The following KIRREL3 variants were observed in gnomAD, a reference collection of about 807,000 sequenced individuals.
KIRREL3 encodes kin of IRRE-like protein 3.
KIRREL3 carries 36 observed loss-of-function variants against 89.7 expected under a neutral mutation model. That is an observed-to-expected ratio of 0.40 (90% CI 0.31 to 0.53). The LOEUF is 0.53. KIRREL3 is among the 20% of genes least tolerant of loss of function. The pLI is 0.49. For synonymous variants in KIRREL3, 445 were observed against 441.4 expected, an observed-to-expected ratio of 1.01 and a Z score of -0.10; for missense variants, 864 against 1,056.6, an observed-to-expected ratio of 0.82 and a Z score of 2.53.
intron 2 of KIRREL3, among the ~76,000 whole-genome samples, chr11:126,533,049 C>A (rs1958991361): frequency 6.6e-6 from 1 of 152,168 alleles, no homozygotes; most frequent in African/African-American, 2.4e-5. Flanking sequence ...TGAAGCAATC[C>A]TCGTGCCTCA....
At chr11:126,502,960 C>T (rs1184126017) in intron 4 of KIRREL3, among the ~76,000 whole-genome samples, 5 of 152,090 alleles carry the variant, frequency 3.3e-5, no homozygotes, top group African/African-American at 1.2e-4. Context: ...AGATAATCGG[C>T]CAAGCTGATT....
upstream of KIRREL3, among the ~76,000 whole-genome samples, chr11:127,001,785 G>A (rs1358861751): frequency 1.3e-5 from 2 of 151,736 alleles, no homozygotes; most frequent in Non-Finnish European, 2.9e-5. Context: ...CACAGACCAT[G>A]CCTTCAGAAG....
rs553974612 is a variant in KIRREL3 at position 126,811,355 on chromosome 11, T to C, written c.55+189100A>G. Among the ~76,000 whole-genome samples the C allele has an allele frequency of 4.4e-4, 67 of 152,336 alleles. No homozygotes were observed. In the East Asian group the frequency reaches 0.01, roughly 24 times the overall value. ...GAGGTCCTTGTCTGAATTCTCCGTGTGGTTGCTGGCCTGTAAGCTCCAAGA... is the reference window on the plus strand; with the variant it reads ...GAGGTCCTTGTCTGAATTCTCCGTGCGGTTGCTGGCCTGTAAGCTCCAAGA... On this transcript the variant is annotated intron_variant, in intron 1 of 16. Coordinates refer to ENST00000525144, the MANE Select transcript of KIRREL3 (RefSeq NM_032531.4). The surrounding 1 kb of genome is among the most constrained non-coding windows in gnomAD (Gnocchi z 4.3).
chr11:126,707,522 A>G (rs1362365200), intron 1 of KIRREL3, among the ~76,000 whole-genome samples: 1 of 152,082 alleles, frequency 6.6e-6, no homozygotes, highest in African/African-American at 2.4e-5. Flanking sequence ...GCCTATGTCT[A>G]TACTCTATGT....
chr11:126,668,693 TTTTCTTTCTTTCTTTCTTTC>T lies in KIRREL3; in HGVS notation c.56-105801_56-105782del, dbSNP rs57753203. 0.024 allele frequency among the ~76,000 whole-genome samples: 3,090 copies of T among 126,704 alleles called. 70 individuals carry two copies. Among genetic ancestry groups the T allele is most frequent in the South Asian group, 0.099 (371 of 3,754 alleles). 83.1% of individuals were successfully genotyped at this position (126,704 alleles called of 152,430 possible). On this transcript the variant is annotated intron_variant, in intron 1 of 16. Transcript: ENST00000525144. This position sits in a 1 kb window ranked among gnomAD's most constrained non-coding sequence, Gnocchi z 4.4. ...TAAAGAGCTGTTGGGAAGTTTCTGT[TTTTCTTTCTTTCTTTCTTTC>T]TTTCTTTCTTTCTTTCTTTCTTTCT...
rs1264064621 is a variant in KIRREL3, at chr11:126,684,914, G to C, written c.56-122002C>G. Among the ~76,000 whole-genome samples, 1 of 152,116 alleles carries C rather than the reference G, an allele frequency of 6.6e-6. No homozygotes were observed. Among genetic ancestry groups the C allele is most frequent in the East Asian group, 1.9e-4 (1 of 5,176 alleles). ...TCACTAATGGTCCTCAGCAGGACAG[G>C]CTTCTTTGTCCTTGTCTCCCCCCTC... On this transcript the variant is annotated intron_variant, in intron 1 of 16. Coordinates refer to ENST00000525144, the MANE Select transcript of KIRREL3 (RefSeq NM_032531.4). This position sits in a 1 kb window ranked among gnomAD's most constrained non-coding sequence, Gnocchi z 4.2.
intron 11 of KIRREL3, among the ~76,000 whole-genome samples, chr11:126,437,666 A>G (rs940261855): frequency 6.6e-6 from 1 of 150,724 alleles, no homozygotes; most frequent in Non-Finnish European, 1.5e-5. Flanking sequence ...GTACATACAC[A>G]TGGCAGACAC....
chr11:126,871,510 A>C lies in KIRREL3; in HGVS notation c.55+128945T>G, dbSNP rs548987520. Among the ~76,000 whole-genome samples the C allele has an allele frequency of 3.9e-5, 6 of 152,198 alleles. No homozygotes were observed. The South Asian group carries it at 1.2e-3, about 32-fold the overall frequency. On this transcript the variant is annotated intron_variant, in intron 1 of 16. Coordinates refer to ENST00000525144, the MANE Select transcript of KIRREL3 (RefSeq NM_032531.4). ...AAGAAAGGAAGAAAAACTTTTATCC[A>C]AGAGCAGGTATGAGGCTTCTGAATA...
In KIRREL3 at chr11:126,627,758, T is replaced by C. The variant is rs1328785746; in HGVS notation, c.56-64846A>G. On this transcript the variant is annotated intron_variant, in intron 1 of 16. Coordinates refer to ENST00000525144, the MANE Select transcript of KIRREL3 (RefSeq NM_032531.4). This position sits in a 1 kb window ranked among gnomAD's most constrained non-coding sequence, Gnocchi z 5.0. ...GGAGAAGAATGTTCTTTATGGGGGG[T>C]GTTGGCAGGATTAGAGGGATGTCAG... 6.6e-6 allele frequency among the ~76,000 whole-genome samples: 1 copy of C among 151,318 alleles called. No homozygotes were observed. Among genetic ancestry groups the C allele is most frequent in the African/African-American group, 2.4e-5 (1 of 41,092 alleles).
chr11:126,544,048 C>G lies in KIRREL3; in HGVS notation c.134-17361G>C, dbSNP rs1290879324. 1 of 152,358 alleles carries G rather than the reference C, an allele frequency of 6.6e-6. No homozygotes were observed. Among genetic ancestry groups the G allele is most frequent in the African/African-American group, 2.4e-5 (1 of 41,446 alleles). 9.4% of individuals were successfully genotyped at this position (152,358 alleles called of 1,614,324 possible). On this transcript the variant is annotated intron_variant, in intron 2 of 16. Transcript: ENST00000525144. This position sits in a 1 kb window ranked among gnomAD's most constrained non-coding sequence, Gnocchi z 5.6. ...GCATGTGGCCCCACTCCTGTCTGCT[C>G]CCCAGGACAACTCTATTTTCCAGCA... is the stretch of plus-strand genomic sequence containing the variant.
Position 126,449,076 on chromosome 11 carries a change from C to T in KIRREL3, c.930G>A (p.Glu310=). The T allele has an allele frequency of 5.0e-6, 8 of 1,614,006 alleles. No homozygotes were observed. Among genetic ancestry groups the T allele is most frequent in the Non-Finnish European group, 6.8e-6 (8 of 1,179,874 alleles). The change falls in exon 8 of 17, where the codon GAG becomes GAA. Residue 310 remains glutamate, a synonymous_variant. Coordinates refer to ENST00000525144, the MANE Select transcript of KIRREL3 (RefSeq NM_032531.4). The part of the protein sequence containing the change: ...RTTVDYTYFS[E]PVSCEVTNAL... Reference sequence around the variant, plus strand: ...CGTTGGTCACCTCACAGGAGACGGGCTCTGAGAAGTACGTGTAGTCCACTG... The same window carrying T: ...CGTTGGTCACCTCACAGGAGACGGGTTCTGAGAAGTACGTGTAGTCCACTG...
At chr11:126,456,057 T>TTTTTTTTTTTTTTTTTTTTTTTC (rs147218473) in intron 7 of KIRREL3, among the ~76,000 whole-genome samples, 2 of 109,744 alleles carry the variant, frequency 1.8e-5, no homozygotes, top group African/African-American at 3.6e-5. Context: ...TTTTTTTTTT[T>TTTTTTTTTTTTTTTTTTTTTTTC]CCTGAGCCTT....
At position 126,550,703 on chromosome 11, in the gene KIRREL3, C is replaced by T. The variant is rs1939188961; in HGVS notation, c.133+12132G>A. 1 of 151,996 alleles carries T rather than the reference C, an allele frequency of 6.6e-6. No individual in the cohort carries two copies. Among genetic ancestry groups the T allele is most frequent in the Non-Finnish European group, 1.5e-5 (1 of 68,008 alleles). The allele number at this position is 151,996 out of a possible 1,614,324, so 9.4% of individuals were successfully genotyped here. A position where few individuals can be genotyped will look rare whatever the true frequency, so the allele number is the denominator to read the frequency against. The stretch of plus-strand genomic sequence containing the variant: ...TTAGTCGCAATGATAAAAGGAAAAC[C>T]AGAACCAAAACAGCCACAAAAACAG... On this transcript the variant is annotated intron_variant, in intron 2 of 16. Transcript: ENST00000525144. This position sits in a 1 kb window ranked among gnomAD's most constrained non-coding sequence, Gnocchi z 4.9.
chr11:126,693,526 T>C (rs1045700233), intron 1 of KIRREL3, among the ~76,000 whole-genome samples: 4 of 152,098 alleles, frequency 2.6e-5, no homozygotes, highest in Non-Finnish European at 5.9e-5. Context: ...TCTGCCGGCA[T>C]GCCGTAAAAG....
rs752800053 is a variant in KIRREL3, at chr11:126,565,465, T to C, written c.56-2553A>G. 1.3e-5 allele frequency among the ~76,000 whole-genome samples: 2 copies of C among 152,222 alleles called. No individual in the cohort carries two copies. Among genetic ancestry groups the C allele is most frequent in the Non-Finnish European group, 2.9e-5 (2 of 68,040 alleles). ...CAATTTCTCAATGTATTTGGCTCAT[T>C]TAATTTGACACGCGTGGGTTAGTCT... On this transcript the variant is annotated intron_variant, in intron 1 of 16. Coordinates refer to ENST00000525144, the MANE Select transcript of KIRREL3 (RefSeq NM_032531.4). This position sits in a 1 kb window ranked among gnomAD's most constrained non-coding sequence, Gnocchi z 5.4.
Position 126,682,006 on chromosome 11 carries a change from G to C in KIRREL3, c.56-119094C>G, listed in dbSNP as rs145442734. ...GAGTTTGGGAATCAGGAGACCAGAT[G>C]TCAAGACTGGACTACATCTTTATAT... On this transcript the variant is annotated intron_variant, in intron 1 of 16. Coordinates refer to ENST00000525144, the MANE Select transcript of KIRREL3 (RefSeq NM_032531.4). This position sits in a 1 kb window ranked among gnomAD's most constrained non-coding sequence, Gnocchi z 4.8. The C allele has an allele frequency of 5.3e-3, 2,132 of 400,856 alleles. 17 individuals carry two copies. The highest frequency in any genetic ancestry group is 0.014 in the South Asian group (744 of 54,688). 24.8% of individuals were successfully genotyped at this position (400,856 alleles called of 1,614,324 possible).
intron 1 of KIRREL3, among the ~76,000 whole-genome samples, chr11:126,638,412 T>C (rs771353475): frequency 7.9e-5 from 12 of 152,254 alleles, no homozygotes; most frequent in Admixed American, 1.3e-4. Flanking sequence ...CCAGGAACTC[T>C]TGATGTTTCA....
intron 7 of KIRREL3, among the ~76,000 whole-genome samples, chr11:126,451,466 G>A (rs1394384439): frequency 8.7e-5 from 13 of 149,204 alleles, no homozygotes; most frequent in African/African-American, 3.2e-4. Flanking sequence ...GCATGTGTGG[G>A]CATGTGCATG....
At chr11:126,967,352 G>A (rs559314824) in intron 1 of KIRREL3, among the ~76,000 whole-genome samples, 13 of 152,260 alleles carry the variant, frequency 8.5e-5, no homozygotes, top group African/African-American at 1.7e-4. Context: ...GGAGAGCACC[G>A]TGCTAATGAG....
Sources: allele counts gnomAD v4.1 joint callset (sites outside exome capture counted in the v4.1 genomes callset), GRCh38; gene constraint gnomAD v4.1.1; non-coding constraint Gnocchi (gnomAD v3.1); transcripts MANE v1.5; gene names NCBI Gene and HGNC (gene_info 2026-07-23, HGNC 2026-07-21).